ADCY2: variants seen among roughly 807,000 people sequenced by gnomAD.
ADCY2 encodes adenylate cyclase 2, also known as adenylate cyclase type 2.
Under a neutral mutation model 125.2 loss-of-function variants are expected in ADCY2, and 31 were observed. That is an observed-to-expected ratio of 0.25 (90% confidence interval 0.19 to 0.33). The LOEUF (loss-of-function observed/expected upper bound fraction) is 0.33, where lower values mean the gene tolerates loss of function less well. ADCY2 is among the 10% of genes least tolerant of loss of function. The pLI is 1.00. For synonymous variants in ADCY2, 512 were observed against 548.4 expected (o/e 0.93, Z 0.93); for missense variants, 904 against 1,418.2 (o/e 0.64, Z 5.82).
At chr5:7,440,131 TC>T (rs768083258) in intron 2 of ADCY2, among the ~76,000 whole-genome samples, 6 of 152,100 alleles carry the variant, frequency 3.9e-5, no homozygotes, top group Non-Finnish European at 5.9e-5. Context: ...TGTCAAGAAG[TC>T]CTAGGTCTGA....
chr5:7,440,481 T>A (rs953778567), intron 2 of ADCY2, among the ~76,000 whole-genome samples: 1 of 152,260 alleles, frequency 6.6e-6, no homozygotes, highest in Non-Finnish European at 1.5e-5. Flanking sequence ...TTTTTGCAGA[T>A]GAATGATTAA....
At chr5:7,752,633 A>C (rs1272090420) in intron 15 of ADCY2, among the ~76,000 whole-genome samples, 3 of 152,016 alleles carry the variant, frequency 2.0e-5, no homozygotes, top group African/African-American at 7.2e-5. Context: ...TTAGAGTGAA[A>C]AATTTAGATT....
intron 1 of ADCY2, among the ~76,000 whole-genome samples, chr5:7,400,679 T>C (rs1412827507): frequency 6.6e-6 from 1 of 152,172 alleles, no homozygotes; most frequent in African/African-American, 2.4e-5. Flanking sequence ...TAGTTTCCCT[T>C]GTGGAAGGGA....
rs546154995 is a variant in ADCY2, at chr5:7,724,647, G to C, written c.1773+33G>C. On this transcript the variant is annotated intron_variant, in intron 13 of 24. Coordinates refer to ENST00000338316, the MANE Select transcript of ADCY2 (RefSeq NM_020546.3). ...TTTTTCTTCTTCAAAATCATCAATC[G>C]AGTTTTCTGAAATTTGAATTTCTTC... is the stretch of plus-strand genomic sequence containing the variant. The C allele has an allele frequency of 8.8e-5, 128 of 1,452,984 alleles. 1 individual carries two copies. The South Asian group carries it at 1.5e-3, about 17-fold the overall frequency. 90.0% of individuals were successfully genotyped at this position (1,452,984 alleles called of 1,614,324 possible). A position where few individuals can be genotyped will look rare whatever the true frequency, so the allele number is the denominator to read the frequency against.
intron 16 of ADCY2, among the ~76,000 whole-genome samples, chr5:7,759,164 C>T (rs1303740178): frequency 6.6e-6 from 1 of 152,180 alleles, no homozygotes; most frequent in Non-Finnish European, 1.5e-5. Flanking sequence ...TGAATGTGTG[C>T]AATTCCCATA....
At chr5:7,764,732 C>G (rs370641178) in intron 16 of ADCY2, among the ~76,000 whole-genome samples, 1 of 152,122 alleles carries the variant, frequency 6.6e-6, no homozygotes, top group Non-Finnish European at 1.5e-5. Flanking sequence ...AGAAGAGCTG[C>G]CTAAATCATT....
At chr5:7,823,843 C>T (rs1745379418) in intron 24 of ADCY2, among the ~76,000 whole-genome samples, 1 of 152,116 alleles carries the variant, frequency 6.6e-6, no homozygotes, top group Non-Finnish European at 1.5e-5. Flanking sequence ...TGAGTTTGAG[C>T]TCATATGTGT....
intron 3 of ADCY2, among the ~76,000 whole-genome samples, chr5:7,614,341 T>G (rs1007528692): frequency 6.6e-6 from 1 of 152,178 alleles, no homozygotes; most frequent in African/African-American, 2.4e-5. Flanking sequence ...ACATCTGCCC[T>G]GTCCTTCCTT....
At chr5:7,541,200 T>C (rs1050412541) in intron 3 of ADCY2, among the ~76,000 whole-genome samples, 1 of 152,224 alleles carries the variant, frequency 6.6e-6, no homozygotes, top group Non-Finnish European at 1.5e-5. Flanking sequence ...TGAGATATTT[T>C]GTACAGAATA....
intron 3 of ADCY2, among the ~76,000 whole-genome samples, chr5:7,534,400 T>C (rs1168259745): frequency 6.6e-6 from 1 of 152,258 alleles, no homozygotes; most frequent in Non-Finnish European, 1.5e-5. Flanking sequence ...TGTGTTTAAC[T>C]GGAAATGGTT....
intron 2 of ADCY2, among the ~76,000 whole-genome samples, chr5:7,420,511 C>G (rs556167241): frequency 6.4e-4 from 97 of 152,144 alleles, no homozygotes; most frequent in African/African-American, 2.3e-3. Context: ...AGAGATTTGC[C>G]CTCACAGGTT....
At chr5:7,482,795 C>T (rs888038596) in intron 2 of ADCY2, among the ~76,000 whole-genome samples, 30 of 81,906 alleles carry the variant, frequency 3.7e-4, no homozygotes, top group African/African-American at 8.5e-4. Flanking sequence ...TATATATACA[C>T]ACACACATAC....
intron 3 of ADCY2, among the ~76,000 whole-genome samples, chr5:7,624,601 C>T (rs1374513005): frequency 2.6e-5 from 4 of 152,158 alleles, no homozygotes; most frequent in Non-Finnish European, 5.9e-5. Context: ...TCCTGCTCTC[C>T]TTGGGAGGAC....
chr5:7,761,734 G>A (rs932821222), intron 16 of ADCY2, among the ~76,000 whole-genome samples: 1 of 152,122 alleles, frequency 6.6e-6, no homozygotes. Flanking sequence ...AACAAATCTG[G>A]TTTGGAAGCT....
At position 7,747,865 on chromosome 5, in the gene ADCY2, A is replaced by C. The variant is rs565213873; in HGVS notation, c.1956+4113A>C. Reference sequence around the variant, plus strand: ...CTTGAAAAACACAAGATAAATATTTAATATCAATCTGCTTGAAGGAATGTT... The same window carrying C: ...CTTGAAAAACACAAGATAAATATTTCATATCAATCTGCTTGAAGGAATGTT... On this transcript the variant is annotated intron_variant, in intron 15 of 24. Transcript: ENST00000338316. Among the ~76,000 whole-genome samples, 4 of 152,328 alleles carry C rather than the reference A, an allele frequency of 2.6e-5. No individual in the cohort carries two copies. The South Asian group carries it at 6.2e-4, about 24-fold the overall frequency.
chr5:7,549,624 T>C (rs1277005909), intron 3 of ADCY2, among the ~76,000 whole-genome samples: 3 of 152,212 alleles, frequency 2.0e-5, no homozygotes, highest in Admixed American at 2.0e-4. Flanking sequence ...TGAAGAGTTC[T>C]CTCCCTGTGA....
chr5:7,482,502 T>C (rs1215253997), intron 2 of ADCY2, among the ~76,000 whole-genome samples: 1 of 152,142 alleles, frequency 6.6e-6, no homozygotes, highest in African/African-American at 2.4e-5. Context: ...CAAACTCTTA[T>C]GTACTGTTGG....
chr5:7,473,127 C>A (rs1742400263), intron 2 of ADCY2, among the ~76,000 whole-genome samples: 2 of 152,056 alleles, frequency 1.3e-5, no homozygotes, highest in Non-Finnish European at 2.9e-5. Flanking sequence ...ATAGAGGATG[C>A]TTTCCTGTCC....
chr5:7,464,975 G>C (rs1250048944), intron 2 of ADCY2, among the ~76,000 whole-genome samples: 1 of 152,164 alleles, frequency 6.6e-6, no homozygotes, highest in Non-Finnish European at 1.5e-5. Flanking sequence ...GAAGGCAAAA[G>C]GCATGTCTTA....
Sources: allele counts gnomAD v4.1 joint callset (sites outside exome capture counted in the v4.1 genomes callset), GRCh38; gene constraint gnomAD v4.1.1; transcripts MANE v1.5; gene names NCBI Gene and HGNC (gene_info 2026-07-23, HGNC 2026-07-21).